Variants in HMGCLL1 observed in about 807,000 individuals in gnomAD.
HMGCLL1 encodes the protein 3-hydroxy-3-methylglutaryl-CoA lyase like 1.
A neutral mutation model predicts 39.1 loss-of-function variants in HMGCLL1; 36 were observed. That is an observed-to-expected ratio of 0.92 (90% CI 0.71 to 1.22). HMGCLL1 has a LOEUF of 1.22. HMGCLL1 is among the 50% of genes most tolerant of loss of function. HMGCLL1 has a pLI of 0.00. For synonymous variants in HMGCLL1, 149 were observed against 144.0 expected (o/e 1.03, Z -0.25); for missense variants, 451 against 416.5 (o/e 1.08, Z -0.72).
chr6:55,473,386 G>T (rs1765130569), intron 7 of HMGCLL1, among the ~76,000 whole-genome samples: 1 of 151,112 alleles, frequency 6.6e-6, no homozygotes, highest in African/African-American at 2.4e-5. Context: ...TTATCTCCTA[G>T]CATATCATTT....
At chr6:55,455,580 A>C (rs560832413) in intron 7 of HMGCLL1, among the ~76,000 whole-genome samples, 1 of 152,356 alleles carries the variant, frequency 6.6e-6, no homozygotes, top group East Asian at 1.9e-4. Context: ...GAAAAGGCTG[A>C]GAGATAAATG....
intron 1 of HMGCLL1, among the ~76,000 whole-genome samples, chr6:55,550,266 C>G (rs1469829107): frequency 6.6e-6 from 1 of 151,752 alleles, no homozygotes; most frequent in Non-Finnish European, 1.5e-5. Flanking sequence ...TCAGGTACTC[C>G]TAGGGTGGAG....
At chr6:55,648,202 C>T in the HMGCLL1 span, among the ~76,000 whole-genome samples, 31 of 147,434 alleles carry the variant, frequency 2.1e-4, no homozygotes, top group Admixed American at 1.1e-3. Context: ...CAAGTCTTTG[C>T]TATTGTGAAT....
At chr6:55,488,407 G>A (rs1352388336) in intron 7 of HMGCLL1, among the ~76,000 whole-genome samples, 1 of 151,980 alleles carries the variant, frequency 6.6e-6, no homozygotes, top group Non-Finnish European at 1.5e-5. Context: ...TAATTAGATA[G>A]ATTAAAAAAT....
At chr6:55,676,179 A>G in the HMGCLL1 span, among the ~76,000 whole-genome samples, 1 of 152,214 alleles carries the variant, frequency 6.6e-6, no homozygotes, top group South Asian at 2.1e-4. Context: ...TTTAATAACC[A>G]TTAAAGTAAA....
chr6:55,592,311 C>T, the HMGCLL1 span, among the ~76,000 whole-genome samples: 5 of 151,984 alleles, frequency 3.3e-5, no homozygotes, highest in Non-Finnish European at 7.4e-5. Flanking sequence ...TTCCCTATTG[C>T]ATAGTTATAA....
chr6:55,435,709 T>G lies in HMGCLL1; in HGVS notation c.976A>C (p.Asn326His). Residue 326 changes from asparagine (N) to histidine (H), a missense_variant, in exon 9 of 9, where the codon AAT becomes CAT. By Grantham distance (68) the Asn-to-His change is moderately conservative. Coordinates refer to ENST00000274901, the MANE Select transcript of HMGCLL1 (RefSeq NM_001042406.2). ...EAGDFICKAV[N>H]KTTNSKVAQA... Reference sequence around the variant, plus strand: ...GCTACTTTAGAGTTTGTGGTTTTATTCACAGCTTTGCAAATAAAGTCACCA... The same window carrying G: ...GCTACTTTAGAGTTTGTGGTTTTATGCACAGCTTTGCAAATAAAGTCACCA... The G allele has an allele frequency of 6.2e-7, 1 of 1,606,816 alleles. No homozygotes were observed. The highest frequency in any genetic ancestry group is 2.2e-5 in the East Asian group (1 of 44,514).
At chr6:55,621,898 C>G in the HMGCLL1 span, among the ~76,000 whole-genome samples, 3 of 151,728 alleles carry the variant, frequency 2.0e-5, no homozygotes, top group Admixed American at 2.0e-4. Context: ...CCTTCTAGAC[C>G]CAGTTTTTTG....
intron 1 of HMGCLL1, among the ~76,000 whole-genome samples, chr6:55,543,434 A>ATCATATATGATATATATG (rs1769712612): frequency 1.6e-5 from 1 of 61,718 alleles, no homozygotes; most frequent in African/African-American, 8.1e-5. Flanking sequence ...TATATCATAT[A>ATCATATATGATATATATG]TCATATATGA....
the HMGCLL1 span, among the ~76,000 whole-genome samples, chr6:55,675,195 A>C: frequency 6.6e-6 from 1 of 152,084 alleles, no homozygotes; most frequent in East Asian, 1.9e-4. Context: ...GATGTGCTGA[A>C]AATCCTATTC....
At chr6:55,571,588 G>A (rs12210238) in intron 1 of HMGCLL1, among the ~76,000 whole-genome samples, 105 of 152,004 alleles carry the variant, frequency 6.9e-4, no homozygotes, top group Non-Finnish European at 1.2e-3. Context: ...GGCAGATCAC[G>A]AGGTCAGGAG....
chr6:55,573,173 G>C (rs1771603393), intron 1 of HMGCLL1, among the ~76,000 whole-genome samples: 2 of 152,096 alleles, frequency 1.3e-5, no homozygotes, highest in Non-Finnish European at 2.9e-5. Context: ...AAGTAAAGTA[G>C]GCTAAACCTC....
intron 5 of HMGCLL1, among the ~76,000 whole-genome samples, chr6:55,500,768 A>C (rs771164980): frequency 6.6e-6 from 1 of 152,072 alleles, no homozygotes; most frequent in Non-Finnish European, 1.5e-5. Context: ...TTAAATGAAC[A>C]TAACACTGGA....
At chr6:55,608,405 A>C in the HMGCLL1 span, among the ~76,000 whole-genome samples, 1 of 152,170 alleles carries the variant, frequency 6.6e-6, no homozygotes, top group Admixed American at 6.5e-5. Flanking sequence ...GCCCTGGTCC[A>C]GACTGAAATA....
rs1763341598 is a variant in HMGCLL1 at position 55,435,692 on chromosome 6, A to G, written c.993T>C (p.Ser331=). ...CATTGAAGGAGGCTTGTGCTACTTT[A>G]GAGTTTGTGGTTTTATTCACAGCTT... ...ICKAVNKTTN[S]KVAQASFNA The change falls in exon 9 of 9, where the codon TCT becomes TCC. Residue 331 remains serine (S), a synonymous_variant. Transcript: ENST00000274901. The G allele has an allele frequency of 1.2e-6, 2 of 1,605,168 alleles. No homozygotes were observed. Among genetic ancestry groups the G allele is most frequent in the African/African-American group, 1.3e-5 (1 of 74,462 alleles).
intron 7 of HMGCLL1, among the ~76,000 whole-genome samples, chr6:55,473,362 G>T (rs1191602354): frequency 6.6e-6 from 1 of 151,084 alleles, no homozygotes; most frequent in Non-Finnish European, 1.5e-5. Flanking sequence ...AATTTTATAT[G>T]ATTCTTCTGT....
intron 1 of HMGCLL1, among the ~76,000 whole-genome samples, chr6:55,558,936 G>A (rs1331200131): frequency 1.3e-5 from 2 of 151,918 alleles, no homozygotes; most frequent in Non-Finnish European, 1.5e-5. Flanking sequence ...TATGATTTTG[G>A]TTATCTAAAT....
the HMGCLL1 span, among the ~76,000 whole-genome samples, chr6:55,619,759 C>T: frequency 6.6e-6 from 1 of 152,042 alleles, no homozygotes; most frequent in Non-Finnish European, 1.5e-5. Context: ...TATCTCCAGT[C>T]ACTCTGTTGT....
In HMGCLL1 at chr6:55,478,728, G is replaced by A. The variant is rs946851375; in HGVS notation, c.795+16691C>T. Among the ~76,000 whole-genome samples, 11 of 151,100 alleles carry A rather than the reference G, an allele frequency of 7.3e-5. 1 individual carries two copies. The highest frequency in any genetic ancestry group is 2.7e-4 in the African/African-American group (11 of 40,824). ...ACTCAAATCTTTAGTGAAGGTCATC[G>A]CTTGTCTTATGTGGAGTCAAAGTTT... is the stretch of plus-strand genomic sequence containing the variant. On this transcript the variant is annotated intron_variant, in intron 7 of 8. Transcript: ENST00000274901.
Sources: allele counts gnomAD v4.1 joint callset (sites outside exome capture counted in the v4.1 genomes callset), GRCh38; gene constraint gnomAD v4.1.1; transcripts MANE v1.5; gene names NCBI Gene and HGNC (gene_info 2026-07-23, HGNC 2026-07-21).